The following GPC6 variants were observed in gnomAD, a reference collection of about 807,000 sequenced individuals.
The protein encoded by GPC6 is glypican 6, also known as glypican-6.
GPC6 carries 14 observed loss-of-function variants against 55.2 expected under a neutral mutation model. The observed-to-expected ratio is 0.25, with a 90% CI of 0.17 to 0.40. The LOEUF is 0.40. Ranked by LOEUF, GPC6 falls within the 10% of genes least tolerant of loss-of-function variation. GPC6 has a pLI of 1.00. For missense variants in GPC6, 641 were observed against 708.5 expected, an observed-to-expected ratio of 0.90 and a Z score of 1.08; for synonymous variants, 278 against 259.6, an observed-to-expected ratio of 1.07 and a Z score of -0.68.
At chr13:93,820,399 T>C (rs1481117326) in intron 2 of GPC6, among the ~76,000 whole-genome samples, 1 of 152,206 alleles carries the variant, frequency 6.6e-6, no homozygotes, top group East Asian at 1.9e-4. Flanking sequence ...GAGAGTAATA[T>C]AATACAAAGT....
intron 3 of GPC6, among the ~76,000 whole-genome samples, chr13:93,945,282 T>C (rs1878950484): frequency 6.6e-6 from 1 of 152,222 alleles, no homozygotes; most frequent in Non-Finnish European, 1.5e-5. Context: ...TTGATTGTCA[T>C]AGAATGTATT....
intron 6 of GPC6, among the ~76,000 whole-genome samples, chr13:94,377,688 A>G (rs1427349353): frequency 4.0e-5 from 6 of 151,670 alleles, no homozygotes; most frequent in Non-Finnish European, 4.4e-5. Context: ...CAGCCATCCC[A>G]TTACTGGGTA....
chr13:93,920,856 T>G (rs1405543384), intron 3 of GPC6, among the ~76,000 whole-genome samples: 1 of 152,192 alleles, frequency 6.6e-6, no homozygotes, highest in East Asian at 1.9e-4. Context: ...TCTTCAAGAT[T>G]TTTTTTCTTC....
At chr13:93,301,365 T>C (rs1394841861) in intron 1 of GPC6, among the ~76,000 whole-genome samples, 2 of 152,146 alleles carry the variant, frequency 1.3e-5, no homozygotes, top group Non-Finnish European at 2.9e-5. Context: ...GAGAAAACAA[T>C]ATTTAGGACC....
intron 6 of GPC6, among the ~76,000 whole-genome samples, chr13:94,330,556 T>C (rs1400787571): frequency 6.6e-6 from 1 of 152,162 alleles, no homozygotes; most frequent in Non-Finnish European, 1.5e-5. Flanking sequence ...ATTCCTAAAC[T>C]GGCAGCATCA....
At chr13:94,001,369 AT>A (rs1358353943) in intron 3 of GPC6, among the ~76,000 whole-genome samples, 1 of 152,212 alleles carries the variant, frequency 6.6e-6, no homozygotes, top group Admixed American at 6.6e-5. Flanking sequence ...ATTTTTAAAC[AT>A]TTTTAAACAT....
chr13:93,862,322 T>C (rs899779285), intron 3 of GPC6, among the ~76,000 whole-genome samples: 2 of 151,522 alleles, frequency 1.3e-5, no homozygotes, highest in East Asian at 3.9e-4. Flanking sequence ...CTGGGGAAAA[T>C]AAGCCAGCCT....
chr13:93,657,585 A>G (rs1218497598), intron 2 of GPC6, among the ~76,000 whole-genome samples: 1 of 152,032 alleles, frequency 6.6e-6, no homozygotes, highest in East Asian at 1.9e-4. Context: ...GGCAACAAAA[A>G]CAAAATTTGA....
At chr13:94,349,632 T>A (rs1878443424) in intron 6 of GPC6, among the ~76,000 whole-genome samples, 1 of 152,210 alleles carries the variant, frequency 6.6e-6, no homozygotes, top group South Asian at 2.1e-4. Context: ...AGTCTCCAAA[T>A]GGCCCTGCTC....
At chr13:93,648,861 G>A (rs1392036746) in intron 2 of GPC6, among the ~76,000 whole-genome samples, 1 of 152,092 alleles carries the variant, frequency 6.6e-6, no homozygotes, top group African/African-American at 2.4e-5. Flanking sequence ...TCTTCCCAAG[G>A]TCTCTTAAGC....
intron 5 of GPC6, among the ~76,000 whole-genome samples, chr13:94,302,991 G>A (rs553469215): frequency 2.6e-5 from 4 of 152,210 alleles, no homozygotes; most frequent in Admixed American, 6.5e-5. Context: ...CATCTGGAGC[G>A]GCAAGGGGCA....
chr13:94,022,545 A>C (rs1882735869), intron 3 of GPC6, among the ~76,000 whole-genome samples: 1 of 152,112 alleles, frequency 6.6e-6, no homozygotes, highest in Non-Finnish European at 1.5e-5. Context: ...TGCAATAAAC[A>C]TGGAAGTGCA....
chr13:94,003,627 G>A (rs539710868), intron 3 of GPC6, among the ~76,000 whole-genome samples: 5 of 152,226 alleles, frequency 3.3e-5, no homozygotes, highest in African/African-American at 1.2e-4. Flanking sequence ...CCATCATACA[G>A]CCTACTATTT....
In GPC6 at chr13:93,778,769, G is replaced by A. The variant is rs1218699980; in HGVS notation, c.320-51385G>A. Reference sequence around the variant, plus strand: ...CCATTCCAAGCAAATGGCTTATTTGGCAGTAGTTGAGCCCATACAGCCAAG... The same window carrying A: ...CCATTCCAAGCAAATGGCTTATTTGACAGTAGTTGAGCCCATACAGCCAAG... On this transcript the variant is annotated intron_variant, in intron 2 of 8. Coordinates refer to ENST00000377047, the MANE Select transcript of GPC6 (RefSeq NM_005708.5). Among the ~76,000 whole-genome samples the A allele has an allele frequency of 4.6e-5, 7 of 152,030 alleles. No individual in the cohort carries two copies. The East Asian group carries it at 1.4e-3, about 29-fold the overall frequency.
At chr13:93,600,671 A>T (rs1877970367) in intron 2 of GPC6, among the ~76,000 whole-genome samples, 1 of 152,096 alleles carries the variant, frequency 6.6e-6, no homozygotes, top group Non-Finnish European at 1.5e-5. Context: ...CATGATTTAA[A>T]AGTATGATTT....
chr13:93,431,771 G>A (rs765136458), intron 1 of GPC6, among the ~76,000 whole-genome samples: 6 of 152,104 alleles, frequency 3.9e-5, no homozygotes, highest in Non-Finnish European at 8.8e-5. Context: ...GATGGACAAC[G>A]TTGGCTTTGG....
chr13:93,246,767 G>T (rs1336136508), intron 1 of GPC6, among the ~76,000 whole-genome samples: 3 of 134,882 alleles, frequency 2.2e-5, no homozygotes, highest in Non-Finnish European at 4.6e-5. Context: ...ATTCAGGCCT[G>T]GGCGGCAGAG....
At chr13:93,817,096 A>G (rs944945380) in intron 2 of GPC6, among the ~76,000 whole-genome samples, 5 of 152,188 alleles carry the variant, frequency 3.3e-5, no homozygotes, top group Non-Finnish European at 7.3e-5. Context: ...CTAAACCTGG[A>G]GGAAGGCTGC....
At chr13:93,314,606 T>G (rs1173671741) in intron 1 of GPC6, among the ~76,000 whole-genome samples, 3 of 152,078 alleles carry the variant, frequency 2.0e-5, no homozygotes, top group Non-Finnish European at 4.4e-5. Flanking sequence ...CTTGTTTAGC[T>G]ACTATCAACA....
Sources: allele counts gnomAD v4.1 joint callset (sites outside exome capture counted in the v4.1 genomes callset), GRCh38; gene constraint gnomAD v4.1.1; transcripts MANE v1.5; gene names NCBI Gene and HGNC (gene_info 2026-07-23, HGNC 2026-07-21).